The following APBB1 variants were observed in gnomAD, a reference collection of about 807,000 sequenced individuals.
The protein encoded by APBB1 is adaptor protein FE65a2.
A neutral mutation model predicts 78.4 loss-of-function variants in APBB1; 22 were observed. That is an observed-to-expected ratio of 0.28 (90% CI 0.20 to 0.40). The LOEUF is 0.40. APBB1 is among the 10% of genes least tolerant of loss of function. The pLI is 1.00. For synonymous variants in APBB1, 369 were observed against 372.7 expected (o/e 0.99, Z 0.12); for missense variants, 749 against 932.4 (o/e 0.80, Z 2.56).
Position 6,403,543 on chromosome 11 carries a change from A to C in APBB1, c.899T>G (p.Leu300Arg). The change falls in exon 4 of 15, where the codon CTC becomes CGC. Residue 300 changes from leucine to arginine, a missense_variant and splice_region_variant. By Grantham distance (102) the Leu-to-Arg change is moderately radical. Around this residue, in one of 3 missense-constraint regions of APBB1, gnomAD observed 635 missense variants for 765.0 expected, o/e 0.83. Transcript: ENST00000609360. The surrounding 1 kb of genome is among the most constrained non-coding windows in gnomAD (Gnocchi z 5.3). ...TCCATGAGCAAAACCTGTCCAGGTGAGCTAGGAGGAGGGATGGGAGTAGTG... is the reference window on the plus strand; with the variant it reads ...TCCATGAGCAAAACCTGTCCAGGTGCGCTAGGAGGAGGGATGGGAGTAGTG... ...QGSSPQEESQ[L>R]TWTGFAHGEG... 1 of 1,614,194 alleles carries C rather than the reference A, an allele frequency of 6.2e-7. No homozygotes were observed. Among genetic ancestry groups the C allele is most frequent in the Non-Finnish European group, 8.5e-7 (1 of 1,180,016 alleles).
intron 12 of APBB1, 79 bp downstream of exon 12, chr11:6,400,910 G>A: frequency 7.7e-7 from 1 of 1,306,954 alleles, no homozygotes; most frequent in Non-Finnish European, 1.1e-6. Flanking sequence ...TCTGGTAGAA[G>A]AAGTATTGGA....
At chr11:6,398,222 CT>C (rs368754901) in intron 12 of APBB1, among the ~76,000 whole-genome samples, 13 of 148,928 alleles carry the variant, frequency 8.7e-5, no homozygotes, top group Admixed American at 4.0e-4. Context: ...CTTTTCTCTT[CT>C]TTTTTTTTTG....
At chr11:6,410,102 C>T (rs1002087787) in intron 2 of APBB1, among the ~76,000 whole-genome samples, 2 of 151,738 alleles carry the variant, frequency 1.3e-5, no homozygotes, top group African/African-American at 2.4e-5. Context: ...AAAACGGGGC[C>T]GACTGTCCCA....
chr11:6,406,246 C>T (rs1237243948), intron 2 of APBB1, among the ~76,000 whole-genome samples: 3 of 152,190 alleles, frequency 2.0e-5, no homozygotes, highest in Admixed American at 6.5e-5. Flanking sequence ...TAAATGTTCA[C>T]GTATCATTCC....
chr11:6,405,609 C>A (rs564031615), intron 2 of APBB1: 464 of 985,992 alleles, frequency 4.7e-4, no homozygotes, highest in Middle Eastern at 5.2e-4. Flanking sequence ...GGTGGCTGCA[C>A]ACCTGACGAG....
At chr11:6,414,837 C>G (rs1375655068) in intron 1 of APBB1, among the ~76,000 whole-genome samples, 1 of 152,164 alleles carries the variant, frequency 6.6e-6, no homozygotes. Flanking sequence ...ATGGCAAACC[C>G]TTCTCTGAAG....
rs1269791595 is a variant in APBB1 at position 6,401,880 on chromosome 11, G to A, written c.1388+97C>T. ...CATGCTGAGGTGGAGGGTAATGGTG[G>A]AGCATAGCGGGTGGGAAGGGGCAGG... is the stretch of plus-strand genomic sequence containing the variant. On this transcript the variant is annotated intron_variant, in intron 9 of 14. Coordinates refer to ENST00000609360, the MANE Select transcript of APBB1 (RefSeq NM_001164.5). The surrounding 1 kb of genome is among the most constrained non-coding windows in gnomAD (Gnocchi z 4.5). The A allele has an allele frequency of 2.7e-6, 4 of 1,508,766 alleles. No homozygotes were observed. The African/African-American group carries it at 5.5e-5, about 21-fold the overall frequency. 93.5% of individuals were successfully genotyped at this position (1,508,766 alleles called of 1,614,324 possible).
Position 6,411,783 on chromosome 11 carries a change from G to A in APBB1, c.-14-422C>T, listed in dbSNP as rs948521680. 2.0e-5 allele frequency among the ~76,000 whole-genome samples: 3 copies of A among 152,076 alleles called. No homozygotes were observed. The highest frequency in any genetic ancestry group is 6.6e-5 in the Admixed American group (1 of 15,266). On this transcript the variant is annotated intron_variant, in intron 1 of 14. Transcript: ENST00000609360. This position sits in a 1 kb window ranked among gnomAD's most constrained non-coding sequence, Gnocchi z 5.2. The stretch of plus-strand genomic sequence containing the variant: ...GATCACTGACTGCCCCTCTCCGGCC[G>A]CACTTCCATCCCAAGCCCCATCACT...
chr11:6,417,404 C>T (rs1448443518), intron 1 of APBB1, among the ~76,000 whole-genome samples: 1 of 152,186 alleles, frequency 6.6e-6, no homozygotes, highest in Non-Finnish European at 1.5e-5. Flanking sequence ...GTACATATTA[C>T]ATTTGTAATG....
chr11:6,400,951 C>T, intron 12 of APBB1, 38 bp downstream of exon 12: 5 of 1,591,638 alleles, frequency 3.1e-6, no homozygotes, highest in Non-Finnish European at 4.3e-6. Flanking sequence ...GTTTTAGGAT[C>T]AAGGTAGCAG....
intron 2 of APBB1, among the ~76,000 whole-genome samples, chr11:6,409,644 A>AAGCCC (rs2134097643): frequency 3.3e-5 from 5 of 151,642 alleles, no homozygotes; most frequent in African/African-American, 1.2e-4. Flanking sequence ...GGGTATGGGT[A>AAGCCC]TTGTGTCCGC....
rs991201190 is a variant in APBB1 at position 6,410,773 on chromosome 11, G to A, written c.575C>T (p.Pro192Leu). The change falls in exon 2 of 15, where the codon CCC (proline) becomes CTC (leucine). Residue 192 changes from proline to leucine, a missense_variant. By Grantham distance (98) the Pro-to-Leu change is moderately conservative. Around this residue, in one of 3 missense-constraint regions of APBB1, gnomAD observed 635 missense variants for 765.0 expected, o/e 0.83. Coordinates refer to ENST00000609360, the MANE Select transcript of APBB1 (RefSeq NM_001164.5). ...CCGGGGGCCATCTGTAAGGGCTTGGGGCCTGGGAGGGGCCTCCACACTCTC... is the reference window on the plus strand; with the variant it reads ...CCGGGGGCCATCTGTAAGGGCTTGGAGCCTGGGAGGGGCCTCCACACTCTC... ...PLESVEAPPR[P>L]QALTDGPREH... 3 of 1,602,340 alleles carry A rather than the reference G, an allele frequency of 1.9e-6. No individual in the cohort carries two copies. The highest frequency in any genetic ancestry group is 1.7e-5 in the Admixed American group (1 of 59,318).
At chr11:6,407,238 A>T (rs905470893) in intron 2 of APBB1, among the ~76,000 whole-genome samples, 5 of 152,106 alleles carry the variant, frequency 3.3e-5, no homozygotes, top group African/African-American at 4.8e-5. Context: ...CTCAATTCAC[A>T]ATGTCTCCAC....
Position 6,411,506 on chromosome 11 carries a change from G to T in APBB1, c.-14-145C>A. On this transcript the variant is annotated intron_variant, in intron 1 of 14. Coordinates refer to ENST00000609360, the MANE Select transcript of APBB1 (RefSeq NM_001164.5). This position sits in a 1 kb window ranked among gnomAD's most constrained non-coding sequence, Gnocchi z 5.2. ...CCATGGCTCTCTATCCTATGAGAAT[G>T]ACTGGGTTCAACTTCTGTCCCAGCA... is the stretch of plus-strand genomic sequence containing the variant. The T allele has an allele frequency of 1.4e-6, 1 of 707,300 alleles. No homozygotes were observed. Among genetic ancestry groups the T allele is most frequent in the Non-Finnish European group, 2.2e-6 (1 of 450,070 alleles). 43.8% of individuals were successfully genotyped at this position (707,300 alleles called of 1,614,324 possible).
Position 6,402,594 on chromosome 11 carries a change from C to G in APBB1, c.1236G>C (p.Met412Ile). The change falls in exon 7 of 15, where the codon ATG (methionine) becomes ATC (isoleucine). Residue 412 changes from methionine (M) to isoleucine (I), a missense_variant. Transcript: ENST00000609360. Reference sequence around the variant, plus strand: ...TCCTTACTTCCCCCCAGCCCCCAGACATGGGGTCATGCAGGTTGTTTTTGT... The same window carrying G: ...TCCTTACTTCCCCCCAGCCCCCAGAGATGGGGTCATGCAGGTTGTTTTTGT... ...SYHKNNLHDP[M>I]SGGWGEGKDL... 1 of 1,614,132 alleles carries G rather than the reference C, an allele frequency of 6.2e-7. No individual in the cohort carries two copies. The highest frequency in any genetic ancestry group is 8.5e-7 in the Non-Finnish European group (1 of 1,180,010).
Position 6,395,485 on chromosome 11 carries a change from A to T in APBB1, c.*49T>A. The T allele has an allele frequency of 1.3e-6, 2 of 1,491,918 alleles. No homozygotes were observed. Among genetic ancestry groups the T allele is most frequent in the Non-Finnish European group, 1.8e-6 (2 of 1,121,056 alleles). 92.4% of individuals were successfully genotyped at this position (1,491,918 alleles called of 1,614,324 possible). A position where few individuals can be genotyped will look rare whatever the true frequency, so the allele number is the denominator to read the frequency against. ...GACCCCTCCCTGACCCACACCCTTT[A>T]GTTCCCTGGGGCCCAACACAAGCAG... On this transcript the variant is annotated 3_prime_UTR_variant, in exon 15 of 15. Coordinates refer to ENST00000609360, the MANE Select transcript of APBB1 (RefSeq NM_001164.5). This position sits in a 1 kb window ranked among gnomAD's most constrained non-coding sequence, Gnocchi z 5.2.
At chr11:6,406,608 T>C (rs572824615) in intron 2 of APBB1, among the ~76,000 whole-genome samples, 1 of 152,306 alleles carries the variant, frequency 6.6e-6, no homozygotes, top group Admixed American at 6.5e-5. Flanking sequence ...TGTGCTGTCA[T>C]GAACCCCTGT....
At position 6,410,751 on chromosome 11, in the gene APBB1, G is replaced by A. The variant is rs1848937508; in HGVS notation, c.597C>T (p.Pro199=). 4 of 1,582,416 alleles carry A rather than the reference G, an allele frequency of 2.5e-6. No individual in the cohort carries two copies. The highest frequency in any genetic ancestry group is 3.4e-6 in the Non-Finnish European group (4 of 1,163,738). ...GGCTGGCACTCTTGCTGTGTTCCCG[G>A]GGGCCATCTGTAAGGGCTTGGGGCC... ...PPRPQALTDG[P]REHSKSASLL... is the part of the protein sequence containing the mutation. The change falls in exon 2 of 15, where the codon CCC becomes CCT. Residue 199 remains proline (P), a synonymous_variant. Transcript: ENST00000609360.
chr11:6,404,883 G>A, intron 2 of APBB1: 2 of 1,512,166 alleles, frequency 1.3e-6, no homozygotes, highest in Admixed American at 2.1e-5. Context: ...CCTGGTGCTG[G>A]GCTGCAGAGA....
Sources: gnomAD v4.1 joint callset for allele counts (sites outside exome capture counted in the v4.1 genomes callset) on GRCh38, gnomAD v4.1.1 for gene constraint, gnomAD v4.1.1 regional missense constraint, Gnocchi (gnomAD v3.1) non-coding constraint, MANE v1.5 for transcripts, NCBI Gene and HGNC (gene_info 2026-07-23, HGNC 2026-07-21) for gene names.